The following CDS2 variants were observed in gnomAD, a reference collection of about 807,000 sequenced individuals.
CDS2 encodes the protein CDP-diacylglycerol synthase 2, also known as phosphatidate cytidylyltransferase 2.
Under a neutral mutation model 59.0 loss-of-function variants are expected in CDS2, and 47 were observed. The ratio of observed to expected loss-of-function variants is 0.80; its 90% CI spans 0.63 to 1.02. CDS2 has a LOEUF of 1.02. Among genes scored for constraint, CDS2 ranks in the 50% least tolerant of loss-of-function variants. The pLI, the probability that CDS2 is intolerant of heterozygous loss-of-function variation, is 0.00. For synonymous variants in CDS2, 207 were observed against 206.4 expected (o/e 1.00, Z -0.02); for missense variants, 356 against 558.9 (o/e 0.64, Z 3.66).
intron 1 of CDS2, among the ~76,000 whole-genome samples, chr20:5,173,064 A>G (rs2090967924): frequency 6.6e-6 from 1 of 152,198 alleles, no homozygotes; most frequent in Non-Finnish European, 1.5e-5. Flanking sequence ...AAGTCCGGAA[A>G]TAACACTCTG....
At chr20:5,166,574 A>C (rs1421633840) in intron 1 of CDS2, among the ~76,000 whole-genome samples, 1 of 152,164 alleles carries the variant, frequency 6.6e-6, no homozygotes, top group Non-Finnish European at 1.5e-5. Flanking sequence ...GGAACCCTCA[A>C]ATGCGGGGAC....
chr20:5,167,284 T>C (rs913348373), intron 1 of CDS2, among the ~76,000 whole-genome samples: 1 of 152,200 alleles, frequency 6.6e-6, no homozygotes, highest in Non-Finnish European at 1.5e-5. Flanking sequence ...ATGCCGGAAG[T>C]GAAGCTGTCC....
At chr20:5,168,353 T>C (rs1468683019) in intron 1 of CDS2, among the ~76,000 whole-genome samples, 1 of 143,508 alleles carries the variant, frequency 7.0e-6, no homozygotes, top group Non-Finnish European at 1.5e-5. Context: ...AGGTGGAGGC[T>C]GCAGTGAGCC....
At chr20:5,186,547 A>G in intron 9 of CDS2, 140 bp from the exon 10 acceptor site, 2 of 736,298 alleles carry the variant, frequency 2.7e-6, no homozygotes. Context: ...ATGTATGGTA[A>G]AACATGAACC....
chr20:5,188,619 T>G (rs1010426892), intron 10 of CDS2, among the ~76,000 whole-genome samples: 2 of 151,564 alleles, frequency 1.3e-5, no homozygotes, highest in African/African-American at 4.9e-5. Flanking sequence ...GTCTGTCTAG[T>G]GTTGATAGAA....
intron 1 of CDS2, among the ~76,000 whole-genome samples, chr20:5,154,097 T>C (rs1403699010): frequency 6.6e-6 from 1 of 152,170 alleles, no homozygotes; most frequent in Non-Finnish European, 1.5e-5. Context: ...ATGTCTCCCT[T>C]AGGCTCCAGA....
Position 5,185,673 on chromosome 20 carries a change from A to G in CDS2, c.760-85A>G, listed in dbSNP as rs994043887. 3.3e-6 allele frequency: 4 copies of G among 1,226,096 alleles called. No homozygotes were observed. In the African/African-American group the frequency reaches 6.3e-5, roughly 19 times the overall value. The allele number at this position is 1,226,096 out of a possible 1,614,324, so 76.0% of individuals were successfully genotyped here. A position where few individuals can be genotyped will look rare whatever the true frequency, so the allele number is the denominator to read the frequency against. ...GGTTAAGAGAATGGGGTTTTATGAA[A>G]GAAAGGTTCTTAACAAGTAATCATT... On this transcript the variant is annotated intron_variant, in intron 8 of 12. Transcript: ENST00000460006.
intron 5 of CDS2, 93 bp from the exon 6 acceptor site, chr20:5,182,276 GTTAGCTGCTGGGAATAAA>G: frequency 1.2e-6 from 1 of 845,006 alleles, no homozygotes; most frequent in South Asian, 1.8e-5. Context: ...TTGTGCACTG[GTTAGCTGCTGGGAATAAA>G]TTAGCCAAAG....
At chr20:5,174,649 T>C (rs1421141172) in intron 2 of CDS2, among the ~76,000 whole-genome samples, 2 of 151,000 alleles carry the variant, frequency 1.3e-5, no homozygotes, top group Admixed American at 6.6e-5. Flanking sequence ...GGCATGAACC[T>C]GGGCGGAGCT....
chr20:5,156,059 C>T (rs756186373), intron 1 of CDS2, among the ~76,000 whole-genome samples: 20 of 151,976 alleles, frequency 1.3e-4, no homozygotes, highest in Admixed American at 2.0e-4. Context: ...CAGAGCTGTG[C>T]TTTTTGAAGA....
intron 1 of CDS2, among the ~76,000 whole-genome samples, chr20:5,170,105 G>C (rs1243390410): frequency 5.3e-5 from 8 of 152,092 alleles, no homozygotes; most frequent in African/African-American, 1.7e-4. Context: ...TCCGAGACAG[G>C]GATTCCTTCG....
intron 1 of CDS2, among the ~76,000 whole-genome samples, chr20:5,152,038 A>G (rs2122995499): frequency 6.6e-6 from 1 of 151,448 alleles, no homozygotes; most frequent in Admixed American, 6.6e-5. Flanking sequence ...TGCTGGGATT[A>G]TAGGCGTGAG....
At chr20:5,132,712 A>G (rs1037044503) in intron 1 of CDS2, among the ~76,000 whole-genome samples, 12 of 152,200 alleles carry the variant, frequency 7.9e-5, no homozygotes, top group African/African-American at 2.9e-4. Context: ...TTATTTTCTC[A>G]TATAACCAAT....
In CDS2 at chr20:5,129,303, GTC is replaced by G. The variant is rs1208345556; in HGVS notation, c.57+2162_57+2163del. ...TATTATTATTATTTTTTTAGACGGA[GTC>G]TCTCTCTGTCGCCCAGGCTGGAGTG... is the stretch of plus-strand genomic sequence containing the variant. On this transcript the variant is annotated intron_variant, in intron 1 of 12. Transcript: ENST00000460006. 2.6e-5 allele frequency among the ~76,000 whole-genome samples: 4 copies of G among 152,286 alleles called. No homozygotes were observed. The South Asian group carries it at 6.2e-4, about 24-fold the overall frequency.
chr20:5,151,868 A>C (rs2090793891), intron 1 of CDS2, among the ~76,000 whole-genome samples: 1 of 146,516 alleles, frequency 6.8e-6, no homozygotes, highest in African/African-American at 2.5e-5. Flanking sequence ...AGGTTCAAGC[A>C]ATTCTCCTGC....
intron 1 of CDS2, among the ~76,000 whole-genome samples, chr20:5,152,667 C>T (rs543025993): frequency 3.9e-5 from 6 of 152,264 alleles, no homozygotes; most frequent in South Asian, 2.1e-4. Flanking sequence ...TGCATGAACT[C>T]GGGAGGCGGA....
intron 1 of CDS2, among the ~76,000 whole-genome samples, chr20:5,153,351 C>A (rs941290286): frequency 1.6e-4 from 25 of 152,162 alleles, no homozygotes; most frequent in African/African-American, 5.1e-4. Context: ...TCTCTGCAAT[C>A]AAGATAAAGC....
intron 5 of CDS2, among the ~76,000 whole-genome samples, chr20:5,180,377 C>T (rs192290902): frequency 4.3e-4 from 66 of 152,116 alleles, no homozygotes; most frequent in African/African-American, 1.4e-3. Flanking sequence ...AGAGCAGCCC[C>T]GAGGGCTGCT....
chr20:5,165,868 GC>G (rs781552873), intron 1 of CDS2, among the ~76,000 whole-genome samples: 40 of 152,182 alleles, frequency 2.6e-4, no homozygotes, highest in Non-Finnish European at 5.0e-4. Flanking sequence ...GAACACAGGA[GC>G]AAAAGTCCTA....
Sources: allele counts gnomAD v4.1 joint callset (sites outside exome capture counted in the v4.1 genomes callset), GRCh38; gene constraint gnomAD v4.1.1; transcripts MANE v1.5; gene names NCBI Gene and HGNC (gene_info 2026-07-23, HGNC 2026-07-21).